FBXW2: variants seen among roughly 807,000 people sequenced by gnomAD.
FBXW2 encodes F-box and WD repeat domain containing 2, also known as F-box/WD repeat-containing protein 2.
In FBXW2, 12 loss-of-function variants were observed where a neutral mutation model predicts 46.0. The ratio of observed to expected loss-of-function variants is 0.26; its 90% confidence interval spans 0.17 to 0.42. The LOEUF (loss-of-function observed/expected upper bound fraction) is 0.42. Ranked by LOEUF, FBXW2 falls within the 10% of genes least tolerant of loss-of-function variation. The pLI, the probability that FBXW2 is intolerant of heterozygous loss-of-function variation, is 1.00. For missense variants in FBXW2, 360 were observed against 537.0 expected, an observed-to-expected ratio of 0.67 and a Z score of 3.26; for synonymous variants, 203 against 209.6, an observed-to-expected ratio of 0.97 and a Z score of 0.27.
At position 120,788,108 on chromosome 9, in the gene FBXW2, G is replaced by C. The variant is rs1415051222; in HGVS notation, c.151C>G (p.Leu51Val). The C allele has an allele frequency of 1.9e-6, 3 of 1,614,186 alleles. No individual in the cohort carries two copies. Among genetic ancestry groups the C allele is most frequent in the Admixed American group, 3.3e-5 (2 of 60,022 alleles). ...LRHLSNNLET[L>V]LKRDFLKLLP... ...AGTTTGAGGAAGTCCCGCTTGAGGAGAGTCTCTAGGTTATTGGAGAGATGC... is the reference window on the plus strand; with the variant it reads ...AGTTTGAGGAAGTCCCGCTTGAGGACAGTCTCTAGGTTATTGGAGAGATGC... Residue 51 changes from leucine (L) to valine (V), a missense_variant, in exon 3 of 8, where the codon CTC (leucine) becomes GTC (valine). Physicochemically the swap from Leu to Val is conservative, Grantham distance 32. Coordinates refer to ENST00000608872, the MANE Select transcript of FBXW2 (RefSeq NM_012164.4).
chr9:120,770,539 A>G (rs941733961), intron 7 of FBXW2, among the ~76,000 whole-genome samples: 1 of 152,188 alleles, frequency 6.6e-6, no homozygotes, highest in African/African-American at 2.4e-5. Context: ...GTTTCTTTAC[A>G]TGGGTCCTCT....
rs1365198920 is a variant in FBXW2, at chr9:120,759,573, A to G, written c.*4986T>C. 1 of 152,236 alleles carries G rather than the reference A, an allele frequency of 6.6e-6. No homozygotes were observed. Among genetic ancestry groups the G allele is most frequent in the Non-Finnish European group, 1.5e-5 (1 of 68,040 alleles). 9.4% of individuals were successfully genotyped at this position (152,236 alleles called of 1,614,324 possible). On this transcript the variant is annotated 3_prime_UTR_variant, in exon 8 of 8. Transcript: ENST00000608872. ...GATTGCTGACAGAACTATCTCTTCA[A>G]CCTGAGCATTCTCATCAAGTATACT...
At chr9:120,765,127 C>T (rs1482384400) in intron 7 of FBXW2, among the ~76,000 whole-genome samples, 1 of 149,828 alleles carries the variant, frequency 6.7e-6, no homozygotes, top group Non-Finnish European at 1.5e-5. Context: ...CAGGGTCTCA[C>T]TGTGTTGCCC....
chr9:120,791,533 T>C (rs1332442317), intron 2 of FBXW2, among the ~76,000 whole-genome samples: 1 of 152,188 alleles, frequency 6.6e-6, no homozygotes, highest in East Asian at 1.9e-4. Flanking sequence ...CTTAGCACAG[T>C]GTACAGTCTA....
Position 120,789,787 on chromosome 9 carries a change from A to G in FBXW2, c.-20-1509T>C, listed in dbSNP as rs532244539. On this transcript the variant is annotated intron_variant, in intron 2 of 7. Coordinates refer to ENST00000608872, the MANE Select transcript of FBXW2 (RefSeq NM_012164.4). ...TAAGTGTCCAATATCAAATTTGGCA[A>G]TAACATTCTTAGACAAATAAGCAAT... Among the ~76,000 whole-genome samples the G allele has an allele frequency of 4.6e-5, 7 of 152,348 alleles. No homozygotes were observed. The South Asian group carries it at 1.4e-3, about 32-fold the overall frequency.
chr9:120,792,810 A>T (rs1284987572), intron 2 of FBXW2: 18 of 1,222,682 alleles, frequency 1.5e-5, no homozygotes, highest in Non-Finnish European at 1.8e-5. Flanking sequence ...AGCCTACAGT[A>T]AATGTCAGTT....
intron 3 of FBXW2, among the ~76,000 whole-genome samples, chr9:120,779,828 A>G (rs1446745904): frequency 1.3e-5 from 2 of 152,236 alleles, no homozygotes; most frequent in African/African-American, 2.4e-5. Context: ...CTGCAGATAT[A>G]ATTTAAAATG....
intron 5 of FBXW2, among the ~76,000 whole-genome samples, chr9:120,774,032 CA>C (rs869308170): frequency 6.6e-6 from 1 of 151,710 alleles, no homozygotes; most frequent in Non-Finnish European, 1.5e-5. Context: ...TCTCCACACA[CA>C]AAAAATTTTT....
intron 3 of FBXW2, among the ~76,000 whole-genome samples, chr9:120,784,638 G>A (rs1177147817): frequency 6.6e-6 from 1 of 151,416 alleles, no homozygotes; most frequent in South Asian, 2.1e-4. Flanking sequence ...AAAAAAATGC[G>A]GCTGGGTGCA....
At chr9:120,786,549 G>A (rs2044727414) in intron 3 of FBXW2, among the ~76,000 whole-genome samples, 1 of 152,048 alleles carries the variant, frequency 6.6e-6, no homozygotes, top group South Asian at 2.1e-4. Context: ...GTCTGAGAAT[G>A]GACTAATATA....
chr9:120,771,243 TA>T, intron 7 of FBXW2, 104 bp downstream of exon 7: 1 of 1,071,248 alleles, frequency 9.3e-7, no homozygotes, highest in Middle Eastern at 2.1e-4. Flanking sequence ...ATACATTTCC[TA>T]AAAGCCAGCT....
chr9:120,764,468 C>G lies in FBXW2; in HGVS notation c.*91G>C. On this transcript the variant is annotated 3_prime_UTR_variant, in exon 8 of 8. Transcript: ENST00000608872. ...GCGTGATGATACCATTAGGTGAGAACTTTGGTTCATGCAGTCGGCTGCCGC... is the reference window on the plus strand; with the variant it reads ...GCGTGATGATACCATTAGGTGAGAAGTTTGGTTCATGCAGTCGGCTGCCGC... The G allele has an allele frequency of 7.1e-7, 1 of 1,413,926 alleles. No individual in the cohort carries two copies. Among genetic ancestry groups the G allele is most frequent in the South Asian group, 1.3e-5 (1 of 77,690 alleles). 87.6% of individuals were successfully genotyped at this position (1,413,926 alleles called of 1,614,324 possible).
chr9:120,791,516 G>T (rs1018643837), intron 2 of FBXW2, among the ~76,000 whole-genome samples: 12 of 152,142 alleles, frequency 7.9e-5, no homozygotes, highest in Non-Finnish European at 1.2e-4. Context: ...AATATAGCAG[G>T]GACATGCTTA....
intron 3 of FBXW2, among the ~76,000 whole-genome samples, chr9:120,783,001 G>A (rs753476169): frequency 2.6e-5 from 4 of 152,102 alleles, no homozygotes; most frequent in Non-Finnish European, 4.4e-5. Flanking sequence ...ATGGATAGTG[G>A]TGATGACTGC....
intron 5 of FBXW2, among the ~76,000 whole-genome samples, chr9:120,774,120 G>A (rs895680218): frequency 6.6e-6 from 1 of 152,076 alleles, no homozygotes; most frequent in South Asian, 2.1e-4. Context: ...TGGATCACCT[G>A]AGGTCAGGAG....
chr9:120,791,631 T>G (rs1428285330), intron 2 of FBXW2, among the ~76,000 whole-genome samples: 1 of 152,226 alleles, frequency 6.6e-6, no homozygotes, highest in African/African-American at 2.4e-5. Context: ...AAGGGTGGAA[T>G]GGACATGACC....
At chr9:120,784,155 C>T (rs529960116) in intron 3 of FBXW2, among the ~76,000 whole-genome samples, 1 of 152,218 alleles carries the variant, frequency 6.6e-6, no homozygotes, top group East Asian at 1.9e-4. Flanking sequence ...CATTAACATA[C>T]AGACCCACCA....
intron 3 of FBXW2, among the ~76,000 whole-genome samples, chr9:120,782,840 G>C (rs547928407): frequency 1.3e-5 from 2 of 152,114 alleles, no homozygotes; most frequent in Non-Finnish European, 2.9e-5. Context: ...TACAGAGTGA[G>C]ACCTTATCTC....
In FBXW2 at chr9:120,758,191, G is replaced by A. The variant is rs2044149789; in HGVS notation, c.*6368C>T. Reference sequence around the variant, plus strand: ...AACCTTACACAAAAATGCTCAGTGAGGCTGGAGTGGGGTATGGTGGTCAGC... The same window carrying A: ...AACCTTACACAAAAATGCTCAGTGAAGCTGGAGTGGGGTATGGTGGTCAGC... On this transcript the variant is annotated 3_prime_UTR_variant, in exon 8 of 8. Transcript: ENST00000608872. The A allele has an allele frequency of 6.6e-6, 1 of 152,222 alleles. No individual in the cohort carries two copies. The highest frequency in any genetic ancestry group is 2.4e-5 in the African/African-American group (1 of 41,450). The allele number at this position is 152,222 out of a possible 1,614,324, so 9.4% of individuals were successfully genotyped here. A position where few individuals can be genotyped will look rare whatever the true frequency, so the allele number is the denominator to read the frequency against.
Sources: gnomAD v4.1 joint callset for allele counts (sites outside exome capture counted in the v4.1 genomes callset) on GRCh38, gnomAD v4.1.1 for gene constraint, MANE v1.5 for transcripts, NCBI Gene and HGNC (gene_info 2026-07-23, HGNC 2026-07-21) for gene names.